ADAMTSL3: variants seen among roughly 807,000 people sequenced by gnomAD.
ADAMTSL3 encodes ADAMTS like 3.
A neutral mutation model predicts 201.7 loss-of-function variants in ADAMTSL3; 128 were observed. That is an observed-to-expected ratio of 0.63 (90% CI 0.55 to 0.73). ADAMTSL3 has a LOEUF of 0.73. Among genes scored for constraint, ADAMTSL3 ranks in the 30% least tolerant of loss-of-function variants. ADAMTSL3 has a pLI of 0.00. For missense variants in ADAMTSL3, 1,990 were observed against 2,119.6 expected, an observed-to-expected ratio of 0.94 and a Z score of 1.20; for synonymous variants, 738 against 748.4, an observed-to-expected ratio of 0.99 and a Z score of 0.23.
Position 83,709,838 on chromosome 15 carries a change from G to T in ADAMTSL3, c.189+5330G>T, listed in dbSNP as rs547377955. 3.6e-4 allele frequency among the ~76,000 whole-genome samples: 55 copies of T among 152,224 alleles called. No individual in the cohort carries two copies. The Middle Eastern group carries it at 0.01, about 28-fold the overall frequency. ...AAGGTGTGTCCTCCCAGACTTGGTGGATTTGCTGTAATGTGCTTCCTCCTC... is the reference window on the plus strand; with the variant it reads ...AAGGTGTGTCCTCCCAGACTTGGTGTATTTGCTGTAATGTGCTTCCTCCTC... On this transcript the variant is annotated intron_variant, in intron 3 of 29. Coordinates refer to ENST00000286744, the MANE Select transcript of ADAMTSL3 (RefSeq NM_207517.3).
chr15:84,012,981 C>G (rs749455513), intron 23 of ADAMTSL3, among the ~76,000 whole-genome samples: 1 of 152,316 alleles, frequency 6.6e-6, no homozygotes, highest in African/African-American at 2.4e-5. Context: ...TCACCCCAAC[C>G]CAGCCAAGAT....
intron 20 of ADAMTSL3, among the ~76,000 whole-genome samples, chr15:83,976,956 G>T (rs1175162826): frequency 6.6e-6 from 1 of 152,082 alleles, no homozygotes; most frequent in Non-Finnish European, 1.5e-5. Context: ...ATGGGATAGG[G>T]TAGGGGGCAT....
At chr15:83,915,741 T>G (rs565481328) in intron 16 of ADAMTSL3, among the ~76,000 whole-genome samples, 1 of 152,348 alleles carries the variant, frequency 6.6e-6, no homozygotes, top group East Asian at 1.9e-4. Flanking sequence ...AATGGGATTA[T>G]GTAATATGTG....
At chr15:83,803,187 A>G (rs1273262361) in intron 4 of ADAMTSL3, among the ~76,000 whole-genome samples, 1 of 152,190 alleles carries the variant, frequency 6.6e-6, no homozygotes, top group African/African-American at 2.4e-5. Context: ...AAAAGAATAA[A>G]GTTATTGGTG....
intron 17 of ADAMTSL3, 96 bp from the exon 18 acceptor site, chr15:83,942,499 TG>T: frequency 8.6e-7 from 1 of 1,164,456 alleles, no homozygotes; most frequent in Non-Finnish European, 1.2e-6. Context: ...GTGTGAAGTC[TG>T]GAAGCCCAGA....
chr15:83,743,958 C>T (rs2062500733), intron 3 of ADAMTSL3, among the ~76,000 whole-genome samples: 1 of 151,892 alleles, frequency 6.6e-6, no homozygotes, highest in Admixed American at 6.6e-5. Context: ...TCACACCATT[C>T]TCCTGCCTCA....
chr15:83,826,640 C>T (rs2064029169), intron 6 of ADAMTSL3, among the ~76,000 whole-genome samples: 1 of 150,120 alleles, frequency 6.7e-6, no homozygotes, highest in Non-Finnish European at 1.5e-5. Context: ...AGGTATATCT[C>T]CTAATGCTAT....
At chr15:83,760,456 A>G (rs1243382376) in intron 3 of ADAMTSL3, among the ~76,000 whole-genome samples, 1 of 152,138 alleles carries the variant, frequency 6.6e-6, no homozygotes, top group African/African-American at 2.4e-5. Flanking sequence ...TACAAAAAAT[A>G]TATATTCTGA....
chr15:83,889,730 G>A (rs1390261820), intron 10 of ADAMTSL3, among the ~76,000 whole-genome samples: 1 of 152,138 alleles, frequency 6.6e-6, no homozygotes, highest in African/African-American at 2.4e-5. Flanking sequence ...TCCTGCACCT[G>A]GGCTGGAAAC....
In ADAMTSL3 at chr15:83,982,670, A is replaced by C. The variant is rs1283187655; in HGVS notation, c.3042A>C (p.Glu1014Asp). The change falls in exon 21 of 30, where the codon GAA becomes GAC. Residue 1014 changes from glutamate to aspartate, a missense_variant. By Grantham distance (45) the Glu-to-Asp change is conservative. Transcript: ENST00000286744. Reference protein sequence around the residue: ...ARPALREPMREYPGMDHSEAN... With the variant: ...ARPALREPMRDYPGMDHSEAN... ...CAGCCCTCAGGGAGCCTATGAGGGAATATCCTGGGATGGACCACAGCGAAG... is the reference window on the plus strand; with the variant it reads ...CAGCCCTCAGGGAGCCTATGAGGGACTATCCTGGGATGGACCACAGCGAAG... 2 of 1,614,184 alleles carry C rather than the reference A, an allele frequency of 1.2e-6. No individual in the cohort carries two copies. The highest frequency in any genetic ancestry group is 4.5e-5 in the East Asian group (2 of 44,886).
At chr15:83,792,861 AAGATATCAAAG>A (rs1703439704) in intron 4 of ADAMTSL3, among the ~76,000 whole-genome samples, 1 of 152,184 alleles carries the variant, frequency 6.6e-6, no homozygotes. Flanking sequence ...AAATGAAATC[AAGATATCAAAG>A]AGATATCTGC....
intron 5 of ADAMTSL3, among the ~76,000 whole-genome samples, chr15:83,816,594 T>C (rs899559230): frequency 3.3e-5 from 5 of 152,200 alleles, no homozygotes; most frequent in African/African-American, 9.6e-5. Flanking sequence ...TTGGTTGGTT[T>C]CAAAGAGTGA....
intron 4 of ADAMTSL3, among the ~76,000 whole-genome samples, chr15:83,790,331 T>C (rs2063325264): frequency 6.7e-6 from 1 of 150,306 alleles, no homozygotes; most frequent in Non-Finnish European, 1.5e-5. Flanking sequence ...TAAAAATTAT[T>C]AATACAATCC....
intron 4 of ADAMTSL3, among the ~76,000 whole-genome samples, chr15:83,796,530 A>G (rs527844829): frequency 1.3e-5 from 2 of 152,356 alleles, no homozygotes; most frequent in Admixed American, 6.5e-5. Context: ...ATGTTCATAT[A>G]TAGGAAATCT....
At chr15:83,678,907 G>C (rs1248361770) in intron 2 of ADAMTSL3, among the ~76,000 whole-genome samples, 3 of 145,822 alleles carry the variant, frequency 2.1e-5, no homozygotes, top group African/African-American at 7.5e-5. Context: ...GAATTTAAAA[G>C]GAAATATATA....
intron 2 of ADAMTSL3, 35 bp downstream of exon 2, chr15:83,655,865 G>A (rs1301413791): frequency 6.3e-7 from 1 of 1,595,160 alleles, no homozygotes; most frequent in South Asian, 1.1e-5. Flanking sequence ...GGAAATGGTG[G>A]ACATCCCTCT....
chr15:83,812,518 G>T (rs2063714648), intron 5 of ADAMTSL3, among the ~76,000 whole-genome samples: 1 of 152,182 alleles, frequency 6.6e-6, no homozygotes. Flanking sequence ...TTAAGGGACG[G>T]CAGGGTCTTT....
At chr15:83,956,500 T>G (rs2066864316) in intron 19 of ADAMTSL3, among the ~76,000 whole-genome samples, 1 of 152,242 alleles carries the variant, frequency 6.6e-6, no homozygotes, top group African/African-American at 2.4e-5. Context: ...CCTTCTATTC[T>G]GCCATCTTGC....
rs1299513027 is a variant in ADAMTSL3 at position 84,038,998 on chromosome 15, T to G, written c.*1192T>G. 1.3e-5 allele frequency: 2 copies of G among 152,584 alleles called. No individual in the cohort carries two copies. The highest frequency in any genetic ancestry group is 2.9e-5 in the Non-Finnish European group (2 of 68,090). The allele number at this position is 152,584 out of a possible 1,614,324, so 9.5% of individuals were successfully genotyped here. On this transcript the variant is annotated 3_prime_UTR_variant, in exon 30 of 30. Transcript: ENST00000286744. ...GTTTAGATTGGGGCCAGTGCTGGTG[T>G]TAGTGATAGTGTCAGGATGGAGGTT... is the stretch of plus-strand genomic sequence containing the variant.
Sources: gnomAD v4.1 joint callset for allele counts (sites outside exome capture counted in the v4.1 genomes callset) on GRCh38, gnomAD v4.1.1 for gene constraint, MANE v1.5 for transcripts, NCBI Gene and HGNC (gene_info 2026-07-23, HGNC 2026-07-21) for gene names.